MME: variants seen among roughly 807,000 people sequenced by gnomAD.
The protein encoded by MME is neprilysin.
A neutral mutation model predicts 113.2 loss-of-function variants in MME; 98 were observed. The observed-to-expected ratio is 0.87, with a 90% CI of 0.74 to 1.02. MME has a LOEUF of 1.02. Ranked by LOEUF, MME falls within the 50% of genes least tolerant of loss-of-function variation. The pLI, the probability that MME is intolerant of heterozygous loss-of-function variation, is 0.00. For missense variants in MME, 836 were observed against 896.0 expected (o/e 0.93, Z 0.86); for synonymous variants, 292 against 300.6 (o/e 0.97, Z 0.30).
intron 22 of MME, among the ~76,000 whole-genome samples, chr3:155,176,769 T>A (rs1342001753): frequency 1.3e-5 from 2 of 152,172 alleles, no homozygotes; most frequent in Non-Finnish European, 2.9e-5. Context: ...AAGGCTGCAG[T>A]GAGCTGTGAT....
intron 3 of MME, among the ~76,000 whole-genome samples, chr3:155,093,885 A>G (rs1184443477): frequency 3.3e-5 from 5 of 151,944 alleles, no homozygotes; most frequent in Non-Finnish European, 5.9e-5. Flanking sequence ...GAAAAAAAGA[A>G]AAAAGAAAAA....
chr3:155,116,736 C>A lies in MME; in HGVS notation c.512C>A (p.Thr171Lys). 6.2e-7 allele frequency: 1 copy of A among 1,613,490 alleles called. No homozygotes were observed. Among genetic ancestry groups the A allele is most frequent in the Non-Finnish European group, 8.5e-7 (1 of 1,179,742 alleles). The stretch of plus-strand genomic sequence containing the variant: ...GACATATATGGGTGGCCAGTAGCAA[C>A]AGAAAACTGGGAGCAAAAATATGGT... ...LPDIYGWPVA[T>K]ENWEQKYGAS... Residue 171 changes from threonine to lysine, a missense_variant, in exon 6 of 23, where the codon ACA (threonine) becomes AAA (lysine). Thr to Lys is a moderately conservative substitution (Grantham distance 78). Coordinates refer to ENST00000360490, the MANE Select transcript of MME (RefSeq NM_007289.4).
At position 155,096,510 on chromosome 3, in the gene MME, T is replaced by G. The variant is rs192130916; in HGVS notation, c.196+11416T>G. Among the ~76,000 whole-genome samples, 218 of 152,266 alleles carry G rather than the reference T, an allele frequency of 1.4e-3. 1 individual carries two copies. The highest frequency in any genetic ancestry group is 2.5e-3 in the Admixed American group (39 of 15,296). ...TTGGATTTTGTAGTCTGTGTTAAAG[T>G]GAATGCACTTCCTTCTAGTAGCGGT... On this transcript the variant is annotated intron_variant, in intron 3 of 22. Transcript: ENST00000360490.
At chr3:155,119,203 C>G (rs1718887762) in intron 8 of MME, among the ~76,000 whole-genome samples, 1 of 152,118 alleles carries the variant, frequency 6.6e-6, no homozygotes, top group South Asian at 2.1e-4. Context: ...CACTCTGCAG[C>G]ATCCTTCTGG....
chr3:155,084,875 G>A (rs527919919), intron 2 of MME, among the ~76,000 whole-genome samples, 184 bp from the exon 3 acceptor site: 48 of 152,154 alleles, frequency 3.2e-4, no homozygotes, highest in African/African-American at 1.1e-3. Context: ...TTTAAATTTA[G>A]ATTTTACTTA....
At chr3:155,078,633 G>T (rs1461168373), upstream of MME, among the ~76,000 whole-genome samples, 1 of 150,280 alleles carries the variant, frequency 6.7e-6, no homozygotes, top group Admixed American at 6.7e-5. Context: ...TATGAATTCC[G>T]CAGTGGAGTG....
Position 155,140,223 on chromosome 3 carries a change from A to G in MME, c.888A>G (p.Pro296=), listed in dbSNP as rs1559944337. The part of the protein sequence containing the change: ...ATAKPEDRND[P]MLLYNKMTLA... ...CTAAACCTGAAGATCGAAATGATCC[A>G]ATGCTTCTGTATAACAAGATGACAT... is the stretch of plus-strand genomic sequence containing the variant. Residue 296 remains proline, a synonymous_variant, in exon 10 of 23, where the codon CCA becomes CCG. Coordinates refer to ENST00000360490, the MANE Select transcript of MME (RefSeq NM_007289.4). 6 of 1,612,572 alleles carry G rather than the reference A, an allele frequency of 3.7e-6. No individual in the cohort carries two copies. In the African/African-American group the frequency reaches 6.7e-5, roughly 18 times the overall value.
At position 155,109,752 on chromosome 3, in the gene MME, G is replaced by A. The variant is rs146015335; in HGVS notation, c.197-5242G>A. The stretch of plus-strand genomic sequence containing the variant: ...ATCAGGAGTAGAATTCTGGGCATCC[G>A]TGTGTCTAAAAGGCTTCTCAGATGA... On this transcript the variant is annotated intron_variant, in intron 3 of 22. Coordinates refer to ENST00000360490, the MANE Select transcript of MME (RefSeq NM_007289.4). Among the ~76,000 whole-genome samples, 537 of 152,290 alleles carry A rather than the reference G, an allele frequency of 3.5e-3. 3 individuals are homozygous for A. The highest frequency in any genetic ancestry group is 5.1e-3 in the Non-Finnish European group (345 of 68,024).
intron 3 of MME, among the ~76,000 whole-genome samples, chr3:155,093,972 A>C (rs6776185): frequency 6.6e-6 from 1 of 151,978 alleles, no homozygotes; most frequent in Non-Finnish European, 1.5e-5. Flanking sequence ...CTTTATTCCT[A>C]TTCCTCTTTT....
chr3:155,142,005 G>T lies in MME; in HGVS notation c.972G>T (p.Leu324Phe). The change falls in exon 11 of 23, where the codon TTG (leucine) becomes TTT (phenylalanine). Residue 324 changes from leucine to phenylalanine, a missense_variant. Leu to Phe is a conservative substitution (Grantham distance 22). Transcript: ENST00000360490. ...LEINGKPFSW[L>F]NFTNEIMSTV... ...CTTTTTTCCAGCCATTCAGCTGGTTGAATTTCACAAATGAAATCATGTCAA... is the reference window on the plus strand; with the variant it reads ...CTTTTTTCCAGCCATTCAGCTGGTTTAATTTCACAAATGAAATCATGTCAA... 6.2e-7 allele frequency: 1 copy of T among 1,613,576 alleles called. No individual in the cohort carries two copies.
intron 8 of MME, among the ~76,000 whole-genome samples, chr3:155,125,776 G>C (rs1179065666): frequency 1.3e-5 from 2 of 151,928 alleles, no homozygotes; most frequent in Non-Finnish European, 2.9e-5. Flanking sequence ...TTTTCTTACA[G>C]AAAGTAAGGA....
At chr3:155,119,469 A>C (rs1199753727) in intron 8 of MME, among the ~76,000 whole-genome samples, 2 of 138,492 alleles carry the variant, frequency 1.4e-5, no homozygotes, top group Non-Finnish European at 3.1e-5. Flanking sequence ...CACATTGTGC[A>C]GGTTAGTTAC....
chr3:155,145,691 C>T (rs1222216581), intron 14 of MME, among the ~76,000 whole-genome samples: 1 of 152,056 alleles, frequency 6.6e-6, no homozygotes, highest in South Asian at 2.1e-4. Context: ...GTAAGAAGTC[C>T]TGCAATAAAG....
chr3:155,036,763 TA>T (rs1194292032), intron 1 of MME, among the ~76,000 whole-genome samples: 2 of 152,134 alleles, frequency 1.3e-5, no homozygotes, highest in Non-Finnish European at 2.9e-5. Context: ...AAAGTTTGAT[TA>T]ATCAAATTTC....
At position 155,083,069 on chromosome 3, in the gene MME, A is replaced by G. The variant is rs182786046; in HGVS notation, c.-10-1089A>G. Among the ~76,000 whole-genome samples the G allele has an allele frequency of 9.3e-4, 141 of 152,298 alleles. 2 individuals carry two copies. Among genetic ancestry groups the G allele is most frequent in the Admixed American group, 1.6e-3 (25 of 15,298 alleles). On this transcript the variant is annotated intron_variant, in intron 1 of 22. Coordinates refer to ENST00000360490, the MANE Select transcript of MME (RefSeq NM_007289.4). ...AAATTGTGTGTTCTAATCCTTGGAG[A>G]CTGGCTGATAAAGTGTCACTAGGCC...
chr3:155,065,121 A>G (rs1276365681), intron 1 of MME, among the ~76,000 whole-genome samples: 2 of 152,198 alleles, frequency 1.3e-5, no homozygotes, highest in Non-Finnish European at 2.9e-5. Flanking sequence ...CAGGAAGGAC[A>G]TGAATTTTGC....
intron 8 of MME, among the ~76,000 whole-genome samples, chr3:155,132,220 T>C (rs1202368730): frequency 1.3e-5 from 2 of 152,252 alleles, no homozygotes; most frequent in Non-Finnish European, 2.9e-5. Flanking sequence ...AAATTAAAGT[T>C]TGAAGGACAG....
chr3:155,041,836 AAAGACCC>A (rs1265481714), intron 1 of MME, among the ~76,000 whole-genome samples: 2 of 152,160 alleles, frequency 1.3e-5, no homozygotes, highest in Non-Finnish European at 2.9e-5. Context: ...CTTAAATATC[AAAGACCC>A]AAGATCTGTA....
intron 1 of MME, among the ~76,000 whole-genome samples, chr3:155,046,405 T>C (rs926085702): frequency 6.6e-6 from 1 of 152,168 alleles, no homozygotes; most frequent in African/African-American, 2.4e-5. Context: ...TTCCCATTGC[T>C]GGCCGGGAGT....
Sources: allele counts gnomAD v4.1 joint callset (sites outside exome capture counted in the v4.1 genomes callset), GRCh38; gene constraint gnomAD v4.1.1; transcripts MANE v1.5; gene names NCBI Gene and HGNC (gene_info 2026-07-23, HGNC 2026-07-21).